Variants in PDE4B observed in about 807,000 individuals in gnomAD.
PDE4B encodes the protein 3',5'-cyclic-AMP phosphodiesterase 4B.
Under a neutral mutation model 82.2 loss-of-function variants are expected in PDE4B, and 20 were observed. The ratio of observed to expected loss-of-function variants is 0.24; its 90% CI spans 0.17 to 0.35. PDE4B has a LOEUF of 0.35. Ranked by LOEUF, PDE4B falls within the 10% of genes least tolerant of loss-of-function variation. PDE4B has a pLI of 1.00. For missense variants in PDE4B, 655 were observed against 907.2 expected, an observed-to-expected ratio of 0.72 and a Z score of 3.57; for synonymous variants, 320 against 318.9, an observed-to-expected ratio of 1.00 and a Z score of -0.04.
At chr1:65,925,221 C>A (rs1312157980) in intron 3 of PDE4B, among the ~76,000 whole-genome samples, 1 of 152,168 alleles carries the variant, frequency 6.6e-6, no homozygotes, top group East Asian at 1.9e-4. Flanking sequence ...ATAGCTAATG[C>A]ATGCTGGGCT....
At chr1:66,253,368 G>T (rs1293317970) in intron 4 of PDE4B, among the ~76,000 whole-genome samples, 1 of 152,208 alleles carries the variant, frequency 6.6e-6, no homozygotes, top group Non-Finnish European at 1.5e-5. Context: ...GCAGTGAAAG[G>T]CAGTATTTCT....
intron 1 of PDE4B, among the ~76,000 whole-genome samples, chr1:65,860,743 C>A (rs1222557082): frequency 6.6e-6 from 1 of 152,184 alleles, no homozygotes; most frequent in Non-Finnish European, 1.5e-5. Flanking sequence ...ACTATTGTAA[C>A]TGTCATGAGA....
chr1:65,996,513 A>T (rs1651550899), intron 3 of PDE4B, among the ~76,000 whole-genome samples: 2 of 152,124 alleles, frequency 1.3e-5, no homozygotes, highest in Admixed American at 1.3e-4. Context: ...GATTCAACCC[A>T]CATGTATTCC....
chr1:65,923,351 C>T (rs1429002126), intron 3 of PDE4B, among the ~76,000 whole-genome samples: 1 of 152,228 alleles, frequency 6.6e-6, no homozygotes, highest in Non-Finnish European at 1.5e-5. Flanking sequence ...TATAGTTAAT[C>T]TATAACTTTA....
At chr1:65,926,763 C>T (rs1006140541) in intron 3 of PDE4B, among the ~76,000 whole-genome samples, 3 of 148,510 alleles carry the variant, frequency 2.0e-5, no homozygotes, top group African/African-American at 2.4e-5. Context: ...TAATTATCCA[C>T]GGATGAGGAT....
At chr1:66,084,937 CAT>C (rs1158690242) in intron 3 of PDE4B, among the ~76,000 whole-genome samples, 3 of 152,102 alleles carry the variant, frequency 2.0e-5, no homozygotes, top group Non-Finnish European at 4.4e-5. Flanking sequence ...CAGTCACATG[CAT>C]AGAGTTAGGG....
intron 3 of PDE4B, among the ~76,000 whole-genome samples, chr1:66,083,082 G>T (rs774446458): frequency 1.3e-5 from 2 of 152,026 alleles, no homozygotes; most frequent in Non-Finnish European, 2.9e-5. Context: ...GCAGTTTGTT[G>T]TTGCTTTGTG....
intron 8 of PDE4B, among the ~76,000 whole-genome samples, chr1:66,338,051 A>G (rs374612702): frequency 9.8e-4 from 149 of 152,372 alleles, no homozygotes; most frequent in Non-Finnish European, 1.7e-3. Flanking sequence ...TAATATTAGT[A>G]AACAACAGAA....
chr1:66,320,239 T>C (rs74084689), intron 7 of PDE4B, among the ~76,000 whole-genome samples: 63 of 152,208 alleles, frequency 4.1e-4, no homozygotes, highest in African/African-American at 1.4e-3. Context: ...GTCTTTCTTA[T>C]GACAGCTATA....
At chr1:66,208,730 C>G (rs1004132972) in intron 3 of PDE4B, among the ~76,000 whole-genome samples, 7 of 151,958 alleles carry the variant, frequency 4.6e-5, no homozygotes, top group Non-Finnish European at 1.0e-4. Context: ...AAAGGTATCA[C>G]AAATAAAAAG....
intron 3 of PDE4B, among the ~76,000 whole-genome samples, chr1:65,935,740 G>A (rs1225388181): frequency 2.0e-5 from 3 of 152,008 alleles, no homozygotes; most frequent in African/African-American, 7.2e-5. Flanking sequence ...TCGAGAGTTC[G>A]AGACCAGCCC....
chr1:65,924,369 C>T (rs926057423), intron 3 of PDE4B, among the ~76,000 whole-genome samples: 7 of 151,718 alleles, frequency 4.6e-5, no homozygotes, highest in African/African-American at 1.7e-4. Context: ...CCACCGCGCC[C>T]GGCCGCTAAT....
At chr1:65,977,619 T>G (rs557321527) in intron 3 of PDE4B, among the ~76,000 whole-genome samples, 1 of 152,366 alleles carries the variant, frequency 6.6e-6, no homozygotes, top group South Asian at 2.1e-4. Context: ...CATTGTTCTA[T>G]GTACCATAGG....
At chr1:65,853,529 C>T (rs868092855) in intron 1 of PDE4B, among the ~76,000 whole-genome samples, 6 of 144,482 alleles carry the variant, frequency 4.2e-5, no homozygotes, top group African/African-American at 1.5e-4. Context: ...GCATTATAAC[C>T]CTTTTTTTTT....
At chr1:65,939,101 A>G (rs1320896249) in intron 3 of PDE4B, among the ~76,000 whole-genome samples, 3 of 152,138 alleles carry the variant, frequency 2.0e-5, no homozygotes, top group Non-Finnish European at 4.4e-5. Flanking sequence ...TAAGGTTGAA[A>G]GAGGACAGAG....
intron 3 of PDE4B, among the ~76,000 whole-genome samples, chr1:66,156,705 A>G (rs1220073162): frequency 6.6e-6 from 1 of 152,128 alleles, no homozygotes; most frequent in East Asian, 1.9e-4. Context: ...CAGTCAAGTC[A>G]GATCTGGTTT....
intron 3 of PDE4B, among the ~76,000 whole-genome samples, chr1:66,083,761 CTT>C (rs1656863130): frequency 1.3e-5 from 2 of 152,150 alleles, no homozygotes; most frequent in African/African-American, 4.8e-5. Flanking sequence ...ATCACTAACT[CTT>C]TGGAAAATCT....
intron 3 of PDE4B, among the ~76,000 whole-genome samples, chr1:65,922,526 G>T (rs764094806): frequency 6.6e-6 from 1 of 152,130 alleles, no homozygotes; most frequent in African/African-American, 2.4e-5. Context: ...ATGTCTGTGG[G>T]CAAGTGGGTT....
intron 3 of PDE4B, among the ~76,000 whole-genome samples, chr1:66,008,852 C>G (rs1175794255): frequency 1.3e-5 from 2 of 152,106 alleles, no homozygotes; most frequent in Non-Finnish European, 2.9e-5. Context: ...GGTTCCTCCT[C>G]ATGTTCCTCA....
Sources: allele counts gnomAD v4.1 joint callset (sites outside exome capture counted in the v4.1 genomes callset), GRCh38; gene constraint gnomAD v4.1.1; transcripts MANE v1.5; gene names NCBI Gene and HGNC (gene_info 2026-07-23, HGNC 2026-07-21).